Variants in POC1B observed in about 807,000 individuals in gnomAD.
The protein encoded by POC1B is POC1 centriolar protein homolog B.
In POC1B, 44 loss-of-function variants were observed where a neutral mutation model predicts 60.6. The observed-to-expected ratio is 0.73, with a 90% confidence interval of 0.57 to 0.93. The LOEUF is 0.93. POC1B is among the 40% of genes least tolerant of loss of function. The pLI is 0.00. For missense variants in POC1B, 555 were observed against 572.3 expected (o/e 0.97, Z 0.31); for synonymous variants, 180 against 198.9 (o/e 0.90, Z 0.80).
chr12:89,511,582 A>G (rs945339842), intron 2 of POC1B, among the ~76,000 whole-genome samples: 6 of 152,180 alleles, frequency 3.9e-5, no homozygotes, highest in Non-Finnish European at 7.3e-5. Flanking sequence ...ACCTGGTGCC[A>G]TGACTTTGTA....
rs948988854 is a variant in POC1B at position 89,501,415 on chromosome 12, C to T, written c.101-4073G>A. 4 of 1,011,970 alleles carry T rather than the reference C, an allele frequency of 4.0e-6. No individual in the cohort carries two copies. In the African/African-American group the frequency reaches 4.7e-5, roughly 12 times the overall value. 62.7% of individuals were successfully genotyped at this position (1,011,970 alleles called of 1,614,324 possible). A position where few individuals can be genotyped will look rare whatever the true frequency, so the allele number is the denominator to read the frequency against. On this transcript the variant is annotated intron_variant, in intron 2 of 11. Transcript: ENST00000313546. ...AGCTGAAGAACAGCTCGATGTGGGACAGACTAAAGATGAAAACATACATAT... is the reference window on the plus strand; with the variant it reads ...AGCTGAAGAACAGCTCGATGTGGGATAGACTAAAGATGAAAACATACATAT...
In POC1B at chr12:89,484,342, G is replaced by C. The variant is rs117978829; in HGVS notation, c.452+7594C>G. Among the ~76,000 whole-genome samples, 126 of 152,320 alleles carry C rather than the reference G, an allele frequency of 8.3e-4. 3 individuals are homozygous for C. In the East Asian group the frequency reaches 0.022, roughly 27 times the overall value. The stretch of plus-strand genomic sequence containing the variant: ...TCCACTTAAAAAGCAGAGATTTTCA[G>C]ACCCAACTACTTTGAAATAAAAGGA... On this transcript the variant is annotated intron_variant, in intron 4 of 11. Coordinates refer to ENST00000313546, the MANE Select transcript of POC1B (RefSeq NM_172240.3).
At chr12:89,439,716 G>A (rs1426762824) in intron 10 of POC1B, among the ~76,000 whole-genome samples, 1 of 152,156 alleles carries the variant, frequency 6.6e-6, no homozygotes, top group Non-Finnish European at 1.5e-5. Context: ...TGATTCTCCT[G>A]CCTCAGCCTC....
chr12:89,522,681 A>G, intron 2 of POC1B: 1 of 1,214,172 alleles, frequency 8.2e-7, no homozygotes. Flanking sequence ...AATGAACCCC[A>G]GCTTTCCAGT....
chr12:89,420,523 C>A lies in POC1B; in HGVS notation c.*630G>T, dbSNP rs921405383. On this transcript the variant is annotated 3_prime_UTR_variant, in exon 12 of 12. Coordinates refer to ENST00000313546, the MANE Select transcript of POC1B (RefSeq NM_172240.3). ...GGTTGGCCAATGGATAAACAAAGTA[C>A]GCCATAAATTAACTAAAAAACCCAC... is the stretch of plus-strand genomic sequence containing the variant. 1.3e-5 allele frequency: 2 copies of A among 152,192 alleles called. No homozygotes were observed. Among genetic ancestry groups the A allele is most frequent in the East Asian group, 1.9e-4 (1 of 5,188 alleles). 9.4% of individuals were successfully genotyped at this position (152,192 alleles called of 1,614,324 possible).
chr12:89,412,830 C>CCTTCCTTCTTCCTTCCTTCCTTCCTT, the POC1B span, among the ~76,000 whole-genome samples: 2 of 131,026 alleles, frequency 1.5e-5, no homozygotes, highest in African/African-American at 6.4e-5. Context: ...TTCCTTCCTT[C>CCTTCCTTCTTCCTTCCTTCCTTCCTT]CTTCCTTCCT....
Position 89,421,205 on chromosome 12 carries a change from T to A in POC1B, c.1385A>T (p.Asp462Val). 2 of 1,603,976 alleles carry A rather than the reference T, an allele frequency of 1.2e-6. No individual in the cohort carries two copies. The highest frequency in any genetic ancestry group is 1.7e-6 in the Non-Finnish European group (2 of 1,172,190). The change falls in exon 12 of 12, where the codon GAC (aspartate) becomes GTC (valine). Residue 462 changes from aspartate (D) to valine (V), a missense_variant. Asp to Val is a radical substitution (Grantham distance 152). Coordinates refer to ENST00000313546, the MANE Select transcript of POC1B (RefSeq NM_172240.3). ...AAGCTTTTGCTGATTTTCAAGGCAGTCTTTCAGCTTATCCTCTGTCAAAGT... is the reference window on the plus strand; with the variant it reads ...AAGCTTTTGCTGATTTTCAAGGCAGACTTTCAGCTTATCCTCTGTCAAAGT... ...RLTLTEDKLK[D>V]CLENQQKLFS... is the part of the protein sequence containing the mutation.
At chr12:89,505,486 T>A (rs1444140700) in intron 2 of POC1B, among the ~76,000 whole-genome samples, 1 of 152,234 alleles carries the variant, frequency 6.6e-6, no homozygotes, top group Non-Finnish European at 1.5e-5. Context: ...TGTTAAATTT[T>A]ACTTATATGA....
At chr12:89,440,805 C>T (rs369706809) in intron 10 of POC1B, among the ~76,000 whole-genome samples, 2 of 152,182 alleles carry the variant, frequency 1.3e-5, no homozygotes, top group African/African-American at 4.8e-5. Context: ...GAGCATGAGC[C>T]GAAGCAGGGC....
At chr12:89,436,669 G>A (rs1436245885) in intron 10 of POC1B, among the ~76,000 whole-genome samples, 4 of 151,490 alleles carry the variant, frequency 2.6e-5, no homozygotes, top group Admixed American at 6.6e-5. Flanking sequence ...AGCCGAGATC[G>A]CTATACTGTA....
Position 89,501,337 on chromosome 12 carries a change from G to A in POC1B, c.101-3995C>T, listed in dbSNP as rs1359516207. On this transcript the variant is annotated intron_variant, in intron 2 of 11. Transcript: ENST00000313546. ...TTCCAAGAATGCAGAAAAATCATCT[G>A]GAAGCAAAAGGACTATAAAACAAAA... 4.1e-6 allele frequency: 4 copies of A among 984,476 alleles called. No individual in the cohort carries two copies. In the African/African-American group the frequency reaches 6.4e-5, roughly 16 times the overall value. 61.0% of individuals were successfully genotyped at this position (984,476 alleles called of 1,614,324 possible).
At chr12:89,458,448 T>A (rs1882344412) in intron 10 of POC1B, among the ~76,000 whole-genome samples, 1 of 152,248 alleles carries the variant, frequency 6.6e-6, no homozygotes, top group Non-Finnish European at 1.5e-5. Flanking sequence ...TTTGAAGTCC[T>A]AGTGGTCACC....
rs1871159278 is a variant in POC1B, at chr12:89,523,876, A to C, written c.100+1244T>G. On this transcript the variant is annotated intron_variant, in intron 2 of 11. Coordinates refer to ENST00000313546, the MANE Select transcript of POC1B (RefSeq NM_172240.3). ...ATTACACTCACAGTGACAATCCAGG[A>C]AAGTGAGGACGTCCCCAGTGGCGAA... 19 of 1,571,950 alleles carry C rather than the reference A, an allele frequency of 1.2e-5. No homozygotes were observed. In the South Asian group the frequency reaches 2.2e-4, roughly 18 times the overall value.
At chr12:89,474,003 G>C (rs1883010053) in intron 4 of POC1B, among the ~76,000 whole-genome samples, 1 of 152,082 alleles carries the variant, frequency 6.6e-6, no homozygotes, top group Non-Finnish European at 1.5e-5. Flanking sequence ...TCAGGAGTTT[G>C]AGACCAGCCT....
At chr12:89,430,005 A>G (rs1360759224) in intron 10 of POC1B, among the ~76,000 whole-genome samples, 6 of 152,220 alleles carry the variant, frequency 3.9e-5, no homozygotes, top group Admixed American at 3.9e-4. Flanking sequence ...TGGAGCTTAC[A>G]ATACTCTGGG....
intron 2 of POC1B, chr12:89,524,304 T>C: frequency 6.2e-7 from 1 of 1,613,894 alleles, no homozygotes; most frequent in Non-Finnish European, 8.5e-7. Context: ...TGAGCTGGAG[T>C]TTGCTGGCTT....
chr12:89,413,553 C>T, the POC1B span, among the ~76,000 whole-genome samples: 3 of 152,098 alleles, frequency 2.0e-5, no homozygotes, highest in African/African-American at 4.8e-5. Flanking sequence ...CTCACACAGA[C>T]GTTGTTCAGT....
chr12:89,503,696 G>T (rs1222719830), intron 2 of POC1B, among the ~76,000 whole-genome samples: 1 of 146,590 alleles, frequency 6.8e-6, no homozygotes, highest in South Asian at 2.2e-4. Context: ...CTGCGACCCC[G>T]TCTGGGAGGT....
At chr12:89,500,344 G>A in intron 2 of POC1B, 1 of 1,510,520 alleles carries the variant, frequency 6.6e-7, no homozygotes, top group Non-Finnish European at 9.2e-7. Flanking sequence ...CACATCCAAA[G>A]TCAGTTCCAC....
Sources: allele counts gnomAD v4.1 joint callset (sites outside exome capture counted in the v4.1 genomes callset), GRCh38; gene constraint gnomAD v4.1.1; transcripts MANE v1.5; gene names NCBI Gene and HGNC (gene_info 2026-07-23, HGNC 2026-07-21).